SLC30A4: variants seen among roughly 807,000 people sequenced by gnomAD.
SLC30A4 encodes the protein solute carrier family 30 member 4, also known as probable proton-coupled zinc antiporter SLC30A4.
A neutral mutation model predicts 41.7 loss-of-function variants in SLC30A4; 20 were observed. That is an observed-to-expected ratio of 0.48 (90% CI 0.34 to 0.70). The LOEUF (loss-of-function observed/expected upper bound fraction) is 0.70. Ranked by LOEUF, SLC30A4 falls within the 30% of genes least tolerant of loss-of-function variation. SLC30A4 has a pLI of 0.01. For missense variants in SLC30A4, 441 were observed against 529.3 expected (o/e 0.83, Z 1.64); for synonymous variants, 181 against 195.9 (o/e 0.92, Z 0.64).
At chr15:45,510,097 T>C (rs1037183968) in intron 3 of SLC30A4, among the ~76,000 whole-genome samples, 4 of 142,390 alleles carry the variant, frequency 2.8e-5, no homozygotes, top group African/African-American at 7.8e-5. Flanking sequence ...TGGGCAACAG[T>C]GCAAGAAGAT....
At chr15:45,511,796 C>T (rs1317912333) in intron 2 of SLC30A4, among the ~76,000 whole-genome samples, 1 of 152,184 alleles carries the variant, frequency 6.6e-6, no homozygotes. Context: ...ATATCCATTT[C>T]TAGTAACACA....
chr15:45,505,009 T>G (rs769466908), intron 3 of SLC30A4, among the ~76,000 whole-genome samples: 14 of 151,822 alleles, frequency 9.2e-5, no homozygotes, highest in Non-Finnish European at 1.9e-4. Flanking sequence ...GGTGGGAGGA[T>G]CACATGAGGT....
chr15:45,485,609 T>C (rs1228264690), intron 7 of SLC30A4, among the ~76,000 whole-genome samples: 1 of 152,212 alleles, frequency 6.6e-6, no homozygotes, highest in Non-Finnish European at 1.5e-5. Flanking sequence ...GCATGTATTA[T>C]TTTGATTTAA....
chr15:45,522,545 C>T, intron 1 of SLC30A4, 62 bp downstream of exon 1: 1 of 546,708 alleles, frequency 1.8e-6, no homozygotes, highest in East Asian at 3.1e-5. Context: ...GGCGGCGGGT[C>T]GCAGGGCCGA....
At chr15:45,499,489 C>T (rs1891975695) in intron 3 of SLC30A4, among the ~76,000 whole-genome samples, 1 of 152,156 alleles carries the variant, frequency 6.6e-6, no homozygotes, top group Non-Finnish European at 1.5e-5. Context: ...CGCACAACCT[C>T]TTCAGCCCAC....
chr15:45,499,350 G>A (rs1891972394), intron 3 of SLC30A4, among the ~76,000 whole-genome samples: 1 of 152,120 alleles, frequency 6.6e-6, no homozygotes, highest in Non-Finnish European at 1.5e-5. Context: ...GGGATTACAG[G>A]AGTGAACCAC....
intron 3 of SLC30A4, among the ~76,000 whole-genome samples, chr15:45,496,721 T>C (rs1891913062): frequency 6.6e-6 from 1 of 151,910 alleles, no homozygotes; most frequent in South Asian, 2.1e-4. Context: ...AATGGCCGGA[T>C]GTGGTAGCTC....
chr15:45,517,147 C>CT (rs201504708), intron 2 of SLC30A4, among the ~76,000 whole-genome samples: 13 of 151,496 alleles, frequency 8.6e-5, no homozygotes, highest in African/African-American at 1.9e-4. Flanking sequence ...GAAATACTCT[C>CT]TTTTTTAAAA....
intron 4 of SLC30A4, among the ~76,000 whole-genome samples, chr15:45,489,549 AGTGGTAGAG>A (rs1891770957): frequency 7.0e-6 from 1 of 143,324 alleles, no homozygotes; most frequent in African/African-American, 2.6e-5. Flanking sequence ...CTAGGAGATG[AGTGGTAGAG>A]GTACACAGAG....
chr15:45,510,136 A>G (rs986867196), intron 3 of SLC30A4, among the ~76,000 whole-genome samples: 2 of 152,056 alleles, frequency 1.3e-5, no homozygotes, highest in African/African-American at 4.8e-5. Context: ...CCTGGGCAAC[A>G]GAATAAGACT....
intron 2 of SLC30A4, chr15:45,521,027 T>C (rs1566884852): frequency 4.3e-6 from 2 of 466,204 alleles, no homozygotes; most frequent in Middle Eastern, 3.3e-4. Flanking sequence ...TGAAAGAAGG[T>C]AGGAAATGTA....
chr15:45,491,593 G>C (rs1210503533), intron 3 of SLC30A4, among the ~76,000 whole-genome samples: 1 of 152,088 alleles, frequency 6.6e-6, no homozygotes, highest in Non-Finnish European at 1.5e-5. Context: ...ATGTCAAATG[G>C]GTAATGTGCC....
chr15:45,490,703 T>C, intron 4 of SLC30A4, 25 bp downstream of exon 4: 1 of 1,542,676 alleles, frequency 6.5e-7, no homozygotes, highest in Non-Finnish European at 8.8e-7. Context: ...CTTGAAAATA[T>C]TAATGTGAAA....
chr15:45,492,299 G>A (rs1038270777), intron 3 of SLC30A4, among the ~76,000 whole-genome samples: 4 of 150,522 alleles, frequency 2.7e-5, no homozygotes, highest in Non-Finnish European at 1.5e-5. Flanking sequence ...ATATATAGTG[G>A]GGATACCACA....
At chr15:45,487,479 G>C (rs1256019655) in intron 6 of SLC30A4, 48 bp downstream of exon 6, 1 of 931,662 alleles carries the variant, frequency 1.1e-6, no homozygotes, top group Non-Finnish European at 1.8e-6. Flanking sequence ...CTCCCAATCT[G>C]CTTTAGGGAA....
chr15:45,504,260 C>T (rs958295483), intron 3 of SLC30A4, among the ~76,000 whole-genome samples: 1 of 152,206 alleles, frequency 6.6e-6, no homozygotes, highest in Non-Finnish European at 1.5e-5. Flanking sequence ...CCTTCAATTT[C>T]TTTTATTTCT....
At chr15:45,492,920 G>T (rs914203295) in intron 3 of SLC30A4, among the ~76,000 whole-genome samples, 1 of 152,146 alleles carries the variant, frequency 6.6e-6, no homozygotes, top group Non-Finnish European at 1.5e-5. Context: ...ATATAAATAT[G>T]AAGCAAAATA....
chr15:45,504,761 T>C (rs1892113059), intron 3 of SLC30A4, among the ~76,000 whole-genome samples: 1 of 152,228 alleles, frequency 6.6e-6, no homozygotes, highest in East Asian at 1.9e-4. Flanking sequence ...GGCACTACTA[T>C]TAGTTTCCTT....
chr15:45,482,772 A>T lies in SLC30A4; in HGVS notation c.*2391T>A, dbSNP rs776993430. On this transcript the variant is annotated 3_prime_UTR_variant, in exon 8 of 8. Coordinates refer to ENST00000261867, the MANE Select transcript of SLC30A4 (RefSeq NM_013309.6). ...TTATTTTAAATGACTTCACAATAGGAATCCCATCATGTATATTTTCTTTTC... is the reference window on the plus strand; with the variant it reads ...TTATTTTAAATGACTTCACAATAGGTATCCCATCATGTATATTTTCTTTTC... The T allele has an allele frequency of 1.3e-5, 2 of 152,124 alleles. No homozygotes were observed. Among genetic ancestry groups the T allele is most frequent in the African/African-American group, 4.8e-5 (2 of 41,434 alleles). 9.4% of individuals were successfully genotyped at this position (152,124 alleles called of 1,614,324 possible). A position where few individuals can be genotyped will look rare whatever the true frequency, so the allele number is the denominator to read the frequency against.
Sources: allele counts gnomAD v4.1 joint callset (sites outside exome capture counted in the v4.1 genomes callset), GRCh38; gene constraint gnomAD v4.1.1; transcripts MANE v1.5; gene names NCBI Gene and HGNC (gene_info 2026-07-23, HGNC 2026-07-21).